MDGA2: variants seen among roughly 807,000 people sequenced by gnomAD.
MDGA2 encodes MAM domain containing glycosylphosphatidylinositol anchor 2, also known as MAM domain-containing glycosylphosphatidylinositol anchor protein 2.
A neutral mutation model predicts 117.8 loss-of-function variants in MDGA2; 40 were observed. The ratio of observed to expected loss-of-function variants is 0.34; its 90% CI spans 0.26 to 0.44. MDGA2 has a LOEUF of 0.44. MDGA2 is among the 20% of genes least tolerant of loss of function. MDGA2 has a pLI of 1.00. For synonymous variants in MDGA2, 452 were observed against 439.0 expected (o/e 1.03, Z -0.37); for missense variants, 1,123 against 1,250.6 (o/e 0.90, Z 1.54).
At chr14:47,357,542 G>A (rs770724678) in intron 1 of MDGA2, among the ~76,000 whole-genome samples, 6 of 152,120 alleles carry the variant, frequency 3.9e-5, no homozygotes, top group South Asian at 2.1e-4. Context: ...AGAGGTTAAC[G>A]TAAAAGAAAT....
chr14:47,030,672 T>G (rs1279607933), intron 8 of MDGA2, among the ~76,000 whole-genome samples: 2 of 152,090 alleles, frequency 1.3e-5, no homozygotes, highest in Non-Finnish European at 2.9e-5. Context: ...GAGCCAAATA[T>G]TCAAAAAAAT....
At chr14:47,091,149 G>T (rs967888528) in intron 6 of MDGA2, among the ~76,000 whole-genome samples, 2 of 152,054 alleles carry the variant, frequency 1.3e-5, no homozygotes, top group Non-Finnish European at 2.9e-5. Context: ...TTCTAATTTT[G>T]CTTAACATCA....
chr14:47,532,695 T>C (rs1895124644), intron 1 of MDGA2, among the ~76,000 whole-genome samples: 1 of 152,238 alleles, frequency 6.6e-6, no homozygotes, highest in South Asian at 2.1e-4. Context: ...TACCACTGAA[T>C]ATTTTTTTCT....
intron 2 of MDGA2, among the ~76,000 whole-genome samples, chr14:47,244,661 T>C (rs745930435): frequency 5.9e-5 from 9 of 151,964 alleles, no homozygotes; most frequent in Middle Eastern, 6.8e-3. Context: ...GGCAAACATA[T>C]TGTTGTCTAG....
At chr14:47,199,211 A>G (rs1298411495) in intron 3 of MDGA2, among the ~76,000 whole-genome samples, 4 of 151,894 alleles carry the variant, frequency 2.6e-5, no homozygotes, top group Non-Finnish European at 5.9e-5. Flanking sequence ...CTCTATACAT[A>G]TATATGTCAT....
chr14:47,668,648 A>C (rs1353122714), intron 1 of MDGA2, among the ~76,000 whole-genome samples: 1 of 152,350 alleles, frequency 6.6e-6, no homozygotes, highest in Non-Finnish European at 1.5e-5. Flanking sequence ...AAGAAACAAA[A>C]GTTATTTTGT....
chr14:47,626,639 C>G (rs1024602115), intron 1 of MDGA2: 6 of 152,564 alleles, frequency 3.9e-5, no homozygotes, highest in African/African-American at 1.2e-4. Flanking sequence ...CTTGGCGGGC[C>G]CCGCACTGGG....
chr14:47,635,837 T>TTTC (rs77756586), intron 1 of MDGA2, among the ~76,000 whole-genome samples: 4 of 75,804 alleles, frequency 5.3e-5, no homozygotes, highest in Middle Eastern at 5.4e-3. Context: ...TGAGTGTAGG[T>TTTC]TTAATACAAG....
intron 1 of MDGA2, among the ~76,000 whole-genome samples, chr14:47,401,108 T>A (rs1415096769): frequency 2.0e-5 from 3 of 151,852 alleles, no homozygotes; most frequent in East Asian, 3.9e-4. Context: ...GCTTCATTTG[T>A]CTAATTAACA....
chr14:47,221,687 C>CA (rs36059038), intron 2 of MDGA2, among the ~76,000 whole-genome samples: 99,540 of 124,074 alleles, frequency 0.8, 39,555 homozygotes, highest in East Asian at 0.86. Flanking sequence ...GACTCTATCT[C>CA]AAAAAAAAAA....
intron 2 of MDGA2, among the ~76,000 whole-genome samples, chr14:47,252,478 T>C (rs1434547690): frequency 6.6e-6 from 1 of 152,158 alleles, no homozygotes; most frequent in African/African-American, 2.4e-5. Context: ...CTATTCCATT[T>C]TTCATAATCT....
intron 9 of MDGA2, among the ~76,000 whole-genome samples, chr14:46,937,996 T>C (rs182254871): frequency 4.6e-5 from 7 of 152,138 alleles, no homozygotes; most frequent in African/African-American, 1.7e-4. Context: ...AAAGAAGCAA[T>C]CAAGAGACTG....
chr14:47,208,740 TGTTCTTAAGG>T (rs1043904587), intron 3 of MDGA2, among the ~76,000 whole-genome samples: 14 of 151,922 alleles, frequency 9.2e-5, no homozygotes, highest in Non-Finnish European at 1.8e-4. Flanking sequence ...CAATGGACTG[TGTTCTTAAGG>T]GCCTTTTATT....
At chr14:46,950,245 A>G in intron 9 of MDGA2, among the ~76,000 whole-genome samples, 1 of 151,816 alleles carries the variant, frequency 6.6e-6, no homozygotes, top group African/African-American at 2.4e-5. Flanking sequence ...ATTCCCCTAT[A>G]TTTTATCTAG....
intron 3 of MDGA2, among the ~76,000 whole-genome samples, chr14:47,194,764 CTCTT>C (rs1386153808): frequency 6.6e-6 from 1 of 151,890 alleles, no homozygotes; most frequent in African/African-American, 2.4e-5. Flanking sequence ...CTCTCACTCT[CTCTT>C]TCTCTCTCAC....
At chr14:46,954,410 T>TAAAC (rs906078640) in intron 9 of MDGA2, among the ~76,000 whole-genome samples, 8 of 151,992 alleles carry the variant, frequency 5.3e-5, no homozygotes, top group South Asian at 2.1e-4. Flanking sequence ...CTGGGTGGCT[T>TAAAC]AAACAAACAA....
In MDGA2 at chr14:47,309,081, C is replaced by A. The variant is rs531686062; in HGVS notation, c.281-7531G>T. On this transcript the variant is annotated intron_variant, in intron 1 of 16. Coordinates refer to ENST00000399232, the MANE Select transcript of MDGA2 (RefSeq NM_001113498.3). ...ACACATATCCAAACATGCACATAAGCTAAATGTTCAACTTGTATATCTATT... is the reference window on the plus strand; with the variant it reads ...ACACATATCCAAACATGCACATAAGATAAATGTTCAACTTGTATATCTATT... Among the ~76,000 whole-genome samples the A allele has an allele frequency of 5.3e-5, 8 of 152,182 alleles. 2 individuals are homozygous for A. The South Asian group carries it at 1.7e-3, about 32-fold the overall frequency.
chr14:46,956,606 A>T (rs931697902), intron 9 of MDGA2, among the ~76,000 whole-genome samples: 1 of 152,054 alleles, frequency 6.6e-6, no homozygotes, highest in Non-Finnish European at 1.5e-5. Context: ...TTCTGGTAAT[A>T]AGAAAACCAG....
chr14:47,508,352 A>T (rs868755324), intron 1 of MDGA2, among the ~76,000 whole-genome samples: 1,025 of 132,642 alleles, frequency 7.7e-3, no homozygotes, highest in Admixed American at 0.012. Context: ...TTGCTGATTG[A>T]CTCTCTCTCT....
Sources: gnomAD v4.1 joint callset for allele counts (sites outside exome capture counted in the v4.1 genomes callset) on GRCh38, gnomAD v4.1.1 for gene constraint, MANE v1.5 for transcripts, NCBI Gene and HGNC (gene_info 2026-07-23, HGNC 2026-07-21) for gene names.